BCAS3: variants seen among roughly 807,000 people sequenced by gnomAD.
BCAS3 encodes BCAS4/BCAS3 fusion.
In BCAS3, 53 loss-of-function variants were observed where a neutral mutation model predicts 116.1. The observed-to-expected ratio is 0.46, with a 90% CI of 0.37 to 0.57. The LOEUF is 0.57. BCAS3 is among the 20% of genes least tolerant of loss of function. The probability of loss-of-function intolerance (pLI) is 0.00; values close to 1 mark genes in which losing one functional copy is unlikely to be tolerated. For synonymous variants in BCAS3, 391 were observed against 408.2 expected (o/e 0.96, Z 0.51); for missense variants, 917 against 1,165.4 (o/e 0.79, Z 3.10).
At chr17:60,876,949 A>G (rs1321944500) in intron 9 of BCAS3, among the ~76,000 whole-genome samples, 1 of 152,122 alleles carries the variant, frequency 6.6e-6, no homozygotes, top group African/African-American at 2.4e-5. Flanking sequence ...CCAGTTCACT[A>G]AAGATGAATA....
At chr17:61,107,175 C>T (rs2074719614) in intron 22 of BCAS3, among the ~76,000 whole-genome samples, 1 of 148,242 alleles carries the variant, frequency 6.7e-6, no homozygotes, top group Admixed American at 6.7e-5. Flanking sequence ...CAACCTCTGC[C>T]TCCCGGGTTC....
At chr17:60,840,092 C>G (rs1354180412) in intron 7 of BCAS3, among the ~76,000 whole-genome samples, 1 of 150,438 alleles carries the variant, frequency 6.6e-6, no homozygotes, top group African/African-American at 2.4e-5. Flanking sequence ...TTAAGAATGG[C>G]TATGATTCTA....
intron 22 of BCAS3, among the ~76,000 whole-genome samples, chr17:61,280,805 T>C (rs2051174519): frequency 6.6e-6 from 1 of 152,192 alleles, no homozygotes; most frequent in African/African-American, 2.4e-5. Flanking sequence ...GCCAGTTCTC[T>C]TCACACATGC....
At chr17:60,721,071 T>A (rs1387775458) in intron 5 of BCAS3, among the ~76,000 whole-genome samples, 1 of 152,166 alleles carries the variant, frequency 6.6e-6, no homozygotes, top group Non-Finnish European at 1.5e-5. Context: ...ATTCTTGAGG[T>A]AAATGCCAAT....
At chr17:61,246,120 C>T (rs913448874) in intron 22 of BCAS3, among the ~76,000 whole-genome samples, 6 of 152,136 alleles carry the variant, frequency 3.9e-5, no homozygotes, top group Admixed American at 2.0e-4. Flanking sequence ...AGTCTTACAA[C>T]TATCACGACC....
In BCAS3 at chr17:61,352,575, C is replaced by T. The variant is rs983553082; in HGVS notation, c.2426-15752C>T. 6.6e-6 allele frequency among the ~76,000 whole-genome samples: 1 copy of T among 152,160 alleles called. No homozygotes were observed. Among genetic ancestry groups the T allele is most frequent in the African/African-American group, 2.4e-5 (1 of 41,426 alleles). On this transcript the variant is annotated intron_variant, in intron 22 of 23. Coordinates refer to ENST00000407086, the MANE Select transcript of BCAS3 (RefSeq NM_017679.5). This position sits in a 1 kb window ranked among gnomAD's most constrained non-coding sequence, Gnocchi z 4.7. ...GGAGGGGTGATGCTGACCCCACACT[C>T]GAGCCACAGCCTCGGAATCTCTTTA...
intron 6 of BCAS3, among the ~76,000 whole-genome samples, chr17:60,798,661 T>C (rs750709179): frequency 1.3e-5 from 2 of 152,230 alleles, no homozygotes; most frequent in Non-Finnish European, 2.9e-5. Context: ...GTGCAGGTTT[T>C]TGTGCGGACA....
At chr17:61,053,729 T>C (rs927533660) in intron 19 of BCAS3, among the ~76,000 whole-genome samples, 1 of 152,230 alleles carries the variant, frequency 6.6e-6, no homozygotes, top group African/African-American at 2.4e-5. Context: ...TGTTTTTCTC[T>C]TGTAGAGGAA....
chr17:60,786,101 CAA>C (rs2046265215), intron 6 of BCAS3, among the ~76,000 whole-genome samples: 1 of 151,986 alleles, frequency 6.6e-6, no homozygotes, highest in African/African-American at 2.4e-5. Context: ...GCACAGATAC[CAA>C]GAGACAACTG....
At chr17:60,931,977 G>T (rs144592226) in intron 13 of BCAS3, among the ~76,000 whole-genome samples, 3 of 152,242 alleles carry the variant, frequency 2.0e-5, no homozygotes, top group Admixed American at 6.5e-5. Context: ...GGAGGCTGAG[G>T]CAGGGGGATT....
chr17:60,936,803 G>A (rs1168214672), intron 13 of BCAS3, among the ~76,000 whole-genome samples: 1 of 152,118 alleles, frequency 6.6e-6, no homozygotes, highest in Non-Finnish European at 1.5e-5. Context: ...CTCCCATTCT[G>A]TAGGTTGCCT....
intron 22 of BCAS3, among the ~76,000 whole-genome samples, chr17:61,192,144 G>A (rs2080173193): frequency 1.3e-5 from 2 of 148,424 alleles, no homozygotes; most frequent in South Asian, 4.3e-4. Flanking sequence ...TACTCAGGAG[G>A]CTGAGGCATG....
intron 14 of BCAS3, among the ~76,000 whole-genome samples, chr17:60,981,002 G>T (rs1471275500): frequency 6.6e-6 from 1 of 151,596 alleles, no homozygotes; most frequent in Non-Finnish European, 1.5e-5. Flanking sequence ...CCAGGCTAAT[G>T]TGTTTTTATT....
intron 6 of BCAS3, among the ~76,000 whole-genome samples, chr17:60,754,225 G>C (rs1485603139): frequency 2.0e-5 from 3 of 150,802 alleles, no homozygotes; most frequent in Admixed American, 6.6e-5. Flanking sequence ...TCTTTCTCTG[G>C]GATAGAATTT....
intron 7 of BCAS3, among the ~76,000 whole-genome samples, chr17:60,813,615 G>C (rs568391896): frequency 6.6e-6 from 1 of 152,324 alleles, no homozygotes; most frequent in East Asian, 1.9e-4. Flanking sequence ...ACAAAGGTCT[G>C]TAGATTGTTT....
At chr17:60,888,493 A>G (rs923260857) in intron 9 of BCAS3, among the ~76,000 whole-genome samples, 2 of 152,178 alleles carry the variant, frequency 1.3e-5, no homozygotes, top group African/African-American at 4.8e-5. Context: ...ACATGTATAC[A>G]TACTCATATA....
At chr17:60,798,484 A>G (rs1207328333) in intron 6 of BCAS3, among the ~76,000 whole-genome samples, 1 of 152,214 alleles carries the variant, frequency 6.6e-6, no homozygotes, top group East Asian at 1.9e-4. Context: ...GCTTCTTTCA[A>G]TGAGCAATAT....
chr17:60,982,837 G>A (rs1425534003), intron 14 of BCAS3, among the ~76,000 whole-genome samples: 2 of 152,026 alleles, frequency 1.3e-5, no homozygotes, highest in African/African-American at 4.8e-5. Flanking sequence ...TTTATTATCT[G>A]GTCCTTTACA....
chr17:61,308,864 A>C (rs1332385609), intron 22 of BCAS3, among the ~76,000 whole-genome samples: 1 of 152,144 alleles, frequency 6.6e-6, no homozygotes, highest in Non-Finnish European at 1.5e-5. Context: ...ATTACTTGGC[A>C]TTATTTATGG....
Sources: gnomAD v4.1 joint callset for allele counts (sites outside exome capture counted in the v4.1 genomes callset) on GRCh38, gnomAD v4.1.1 for gene constraint, Gnocchi (gnomAD v3.1) non-coding constraint, MANE v1.5 for transcripts, NCBI Gene and HGNC (gene_info 2026-07-23, HGNC 2026-07-21) for gene names.